Variants in CSMD1 observed in about 807,000 individuals in gnomAD.
CSMD1 encodes CUB and Sushi multiple domains 1.
In CSMD1, 213 loss-of-function variants were observed where a neutral mutation model predicts 417.5. That is an observed-to-expected ratio of 0.51 (90% CI 0.46 to 0.57). CSMD1 has a LOEUF of 0.57. Ranked by LOEUF, CSMD1 falls within the 20% of genes least tolerant of loss-of-function variation. CSMD1 has a pLI of 0.00. For missense variants in CSMD1, 6,923 were observed against 4,529.7 expected (o/e 1.53, Z -15.17); for synonymous variants, 2,862 against 1,736.8 (o/e 1.65, Z -16.11).
At chr8:3,695,997 A>T (rs1800531905) in intron 7 of CSMD1, among the ~76,000 whole-genome samples, 1 of 152,200 alleles carries the variant, frequency 6.6e-6, no homozygotes, top group African/African-American at 2.4e-5. Context: ...CAGTGTTAGA[A>T]ATATGACTTG....
intron 11 of CSMD1, among the ~76,000 whole-genome samples, chr8:3,488,643 C>A (rs1035241722): frequency 6.6e-6 from 1 of 152,094 alleles, no homozygotes; most frequent in South Asian, 2.1e-4. Flanking sequence ...CTCGCTGAGT[C>A]CTAGCATAAT....
intron 2 of CSMD1, among the ~76,000 whole-genome samples, chr8:4,561,447 C>T (rs1321717963): frequency 1.3e-5 from 2 of 152,174 alleles, no homozygotes; most frequent in African/African-American, 2.4e-5. Flanking sequence ...CTTTGGTAGG[C>T]TGATGCAGGT....
At chr8:4,132,077 T>G (rs1803142091) in intron 3 of CSMD1, among the ~76,000 whole-genome samples, 1 of 152,084 alleles carries the variant, frequency 6.6e-6, no homozygotes, top group Non-Finnish European at 1.5e-5. Context: ...TATAGATTCT[T>G]CAAAAACAGG....
At chr8:3,752,286 A>C (rs1282070537) in intron 6 of CSMD1, among the ~76,000 whole-genome samples, 1 of 152,194 alleles carries the variant, frequency 6.6e-6, no homozygotes, top group Non-Finnish European at 1.5e-5. Flanking sequence ...TTGCAACCAA[A>C]GAAGATCAAG....
chr8:3,306,833 TAAAAATATTACAGA>T (rs1804894814), intron 25 of CSMD1, among the ~76,000 whole-genome samples: 1 of 38,582 alleles, frequency 2.6e-5, no homozygotes, highest in Non-Finnish European at 6.3e-5. Context: ...GAGCTTACTT[TAAAAATATTACAGA>T]GCTTACTTTA....
In CSMD1 at chr8:3,946,158, T is replaced by G. The variant is rs145981199; in HGVS notation, c.818+51745A>C. On this transcript the variant is annotated intron_variant, in intron 5 of 69. Coordinates refer to ENST00000635120, the MANE Select transcript of CSMD1 (RefSeq NM_033225.6). ...ATCTCACATAATCCCAATGCACCCT[T>G]TGAAATAAGATTATTACAAAGAATA... is the stretch of plus-strand genomic sequence containing the variant. Among the ~76,000 whole-genome samples, 796 of 152,238 alleles carry G rather than the reference T, an allele frequency of 5.2e-3. 1 individual carries two copies. Among genetic ancestry groups the G allele is most frequent in the Non-Finnish European group, 8.5e-3 (579 of 67,986 alleles).
At chr8:3,524,403 A>C (rs1314860586) in intron 10 of CSMD1, among the ~76,000 whole-genome samples, 1 of 151,942 alleles carries the variant, frequency 6.6e-6, no homozygotes, top group Non-Finnish European at 1.5e-5. Context: ...ATGCACACCC[A>C]GACATATGCA....
chr8:4,020,115 C>T (rs1266749639), intron 4 of CSMD1, among the ~76,000 whole-genome samples: 1 of 152,080 alleles, frequency 6.6e-6, no homozygotes, highest in African/African-American at 2.4e-5. Flanking sequence ...CTCTATGTGT[C>T]AGGCTCTTTG....
At chr8:3,936,629 T>G (rs34354725) in intron 5 of CSMD1, among the ~76,000 whole-genome samples, 3 of 151,958 alleles carry the variant, frequency 2.0e-5, no homozygotes, top group Non-Finnish European at 4.4e-5. Flanking sequence ...GACGTACTGC[T>G]CAGAAAAAGA....
intron 8 of CSMD1, among the ~76,000 whole-genome samples, chr8:3,596,390 TG>T: frequency 6.6e-6 from 1 of 152,264 alleles, no homozygotes; most frequent in South Asian, 2.1e-4. Flanking sequence ...GGCAGACCTT[TG>T]GGGCCTCCAC....
intron 1 of CSMD1, among the ~76,000 whole-genome samples, chr8:4,894,364 C>T (rs1007467201): frequency 6.6e-6 from 1 of 151,780 alleles, no homozygotes; most frequent in African/African-American, 2.4e-5. Context: ...CTTAAAAACA[C>T]TTAGATAATT....
intron 10 of CSMD1, among the ~76,000 whole-genome samples, chr8:3,569,871 C>T (rs1025278598): frequency 3.3e-5 from 5 of 152,000 alleles, no homozygotes; most frequent in African/African-American, 1.2e-4. Flanking sequence ...CCTGGAATAC[C>T]TTGTTTCTTC....
chr8:4,369,661 C>A (rs1802288548), intron 3 of CSMD1, among the ~76,000 whole-genome samples: 1 of 152,098 alleles, frequency 6.6e-6, no homozygotes. Flanking sequence ...TAGTTGTCTT[C>A]TTGTTGAGTT....
intron 12 of CSMD1, among the ~76,000 whole-genome samples, chr8:3,421,810 G>T (rs117238904): frequency 6.6e-6 from 1 of 152,124 alleles, no homozygotes; most frequent in South Asian, 2.1e-4. Flanking sequence ...GGTAATTCTT[G>T]TATTTTTCGT....
chr8:4,322,403 A>G (rs116649811), intron 3 of CSMD1, among the ~76,000 whole-genome samples: 2,006 of 152,266 alleles, frequency 0.013, 44 homozygotes, highest in African/African-American at 0.046. Flanking sequence ...CATCTCACCT[A>G]TTAGCAAGGT....
At position 3,651,722 on chromosome 8, in the gene CSMD1, C is replaced by G. The variant is rs199841268; in HGVS notation, c.1010-34925G>C. On this transcript the variant is annotated intron_variant, in intron 7 of 69. Transcript: ENST00000635120. ...CGCTTACCACCATCACAGTGCTTAC[C>G]AGCAACAGCGTGCTTACTATCATCA... Among the ~76,000 whole-genome samples, 35 of 151,748 alleles carry G rather than the reference C, an allele frequency of 2.3e-4. No homozygotes were observed. The East Asian group carries it at 2.7e-3, about 12-fold the overall frequency.
intron 18 of CSMD1, among the ~76,000 whole-genome samples, chr8:3,371,187 G>A (rs1427836111): frequency 6.6e-6 from 1 of 152,052 alleles, no homozygotes; most frequent in Non-Finnish European, 1.5e-5. Flanking sequence ...CAGATCTTGG[G>A]ACCTTTTGGC....
chr8:3,765,576 C>A (rs1174206382), intron 5 of CSMD1, among the ~76,000 whole-genome samples: 1 of 152,202 alleles, frequency 6.6e-6, no homozygotes, highest in Non-Finnish European at 1.5e-5. Flanking sequence ...CAAGTCAATT[C>A]TAAATGGTTT....
chr8:4,141,188 C>G (rs1200911864), intron 3 of CSMD1, among the ~76,000 whole-genome samples: 1 of 151,154 alleles, frequency 6.6e-6, no homozygotes, highest in East Asian at 1.9e-4. Flanking sequence ...AAATTATTCC[C>G]AGCCTTGTGA....
Sources: allele counts gnomAD v4.1 joint callset (sites outside exome capture counted in the v4.1 genomes callset), GRCh38; gene constraint gnomAD v4.1.1; transcripts MANE v1.5; gene names NCBI Gene and HGNC (gene_info 2026-07-23, HGNC 2026-07-21).